The following DLGAP2 variants were observed in gnomAD, a reference collection of about 807,000 sequenced individuals.
DLGAP2 encodes DLG associated protein 2, also known as disks large-associated protein 2.
In DLGAP2, 26 loss-of-function variants were observed where a neutral mutation model predicts 100.3. That is an observed-to-expected ratio of 0.26 (90% confidence interval 0.19 to 0.36). The LOEUF is 0.36. DLGAP2 is among the 10% of genes least tolerant of loss of function. The probability of loss-of-function intolerance (pLI) is 1.00; values close to 1 mark genes in which losing one functional copy is unlikely to be tolerated. For synonymous variants in DLGAP2, 886 were observed against 630.1 expected, an observed-to-expected ratio of 1.41 and a Z score of -6.08; for missense variants, 1,858 against 1,453.2, an observed-to-expected ratio of 1.28 and a Z score of -4.53.
chr8:1,531,364 G>A (rs899833533), intron 4 of DLGAP2, among the ~76,000 whole-genome samples: 1 of 151,854 alleles, frequency 6.6e-6, no homozygotes, highest in African/African-American at 2.4e-5. Context: ...AAGTTTCCAG[G>A]TCAAATTACT....
At chr8:740,849 A>G (rs888947637) in intron 1 of DLGAP2, among the ~76,000 whole-genome samples, 2 of 152,222 alleles carry the variant, frequency 1.3e-5, no homozygotes, top group Non-Finnish European at 2.9e-5. Context: ...TTGATTAAAT[A>G]TTCTATTTAT....
rs1317118116 is a variant in DLGAP2, at chr8:1,240,930, TCTCTC to T, written c.74-17920_74-17916del. On this transcript the variant is annotated intron_variant, in intron 2 of 14. Transcript: ENST00000637795. ...TCTCTCACATGGCACTGTGTCTAGT[TCTCTC>T]ACATGGCGCCGTGTCTAGTTCTCTT... 8.5e-3 allele frequency among the ~76,000 whole-genome samples: 66 copies of T among 7,792 alleles called. 5 individuals carry two copies. Among genetic ancestry groups the T allele is most frequent in the Non-Finnish European group, 0.011 (30 of 2,824 alleles). The allele number at this position is 7,792 out of a possible 152,430, so 5.1% of individuals were successfully genotyped here. A position where few individuals can be genotyped will look rare whatever the true frequency, so the allele number is the denominator to read the frequency against.
chr8:914,517 G>C (rs1037596930), intron 2 of DLGAP2, among the ~76,000 whole-genome samples: 1 of 152,222 alleles, frequency 6.6e-6, no homozygotes, highest in Non-Finnish European at 1.5e-5. Flanking sequence ...TTCTAGCATG[G>C]ATGCTGTCTT....
At chr8:1,524,494 G>A (rs1477689171) in intron 4 of DLGAP2, among the ~76,000 whole-genome samples, 2 of 152,262 alleles carry the variant, frequency 1.3e-5, no homozygotes, top group African/African-American at 4.8e-5. Context: ...ATTCTCCCAT[G>A]TCCTGGAGGC....
intron 2 of DLGAP2, among the ~76,000 whole-genome samples, chr8:929,083 C>G (rs1314049153): frequency 1.3e-5 from 1 of 78,240 alleles, no homozygotes; most frequent in Non-Finnish European, 2.6e-5. Context: ...CATTCCCCCT[C>G]TAAACATCCC....
chr8:1,376,023 ACCT>A (rs1802376750), intron 3 of DLGAP2, among the ~76,000 whole-genome samples: 1 of 38,748 alleles, frequency 2.6e-5, no homozygotes, highest in African/African-American at 1.3e-4. Context: ...CTGAGCCCCC[ACCT>A]CCTACATTTG....
intron 2 of DLGAP2, among the ~76,000 whole-genome samples, chr8:1,169,613 C>A (rs190600942): frequency 6.6e-6 from 1 of 152,128 alleles, no homozygotes; most frequent in Admixed American, 6.6e-5. Flanking sequence ...TTGTAAGCTG[C>A]ATTCCTAGGT....
At position 1,551,604 on chromosome 8, in the gene DLGAP2, C is replaced by G. The variant is rs544678386; in HGVS notation, c.1230+1921C>G. On this transcript the variant is annotated intron_variant, in intron 5 of 14. Coordinates refer to ENST00000637795, the MANE Select transcript of DLGAP2 (RefSeq NM_001346810.2). ...TCTAGGTGCAGGGAATACCAGTCGT[C>G]CACAAAGGTGAAGTGAGACAGAATG... 2.6e-5 allele frequency among the ~76,000 whole-genome samples: 4 copies of G among 152,326 alleles called. No homozygotes were observed. In the South Asian group the frequency reaches 6.2e-4, roughly 24 times the overall value.
At chr8:1,418,524 A>G (rs1796999195) in intron 3 of DLGAP2, among the ~76,000 whole-genome samples, 1 of 152,176 alleles carries the variant, frequency 6.6e-6, no homozygotes, top group Non-Finnish European at 1.5e-5. Context: ...CTACTTTCAC[A>G]GTCAAAATGG....
Position 1,678,271 on chromosome 8 carries a change from G to A in DLGAP2, c.2346G>A (p.Glu782=), listed in dbSNP as rs748767819. 2.9e-5 allele frequency: 46 copies of A among 1,613,760 alleles called. No homozygotes were observed. The highest frequency in any genetic ancestry group is 3.8e-5 in the Non-Finnish European group (45 of 1,179,854). The change falls in exon 12 of 15, where the codon GAG becomes GAA. Residue 782 remains glutamate (E), a synonymous_variant. Coordinates refer to ENST00000637795, the MANE Select transcript of DLGAP2 (RefSeq NM_001346810.2). The stretch of plus-strand genomic sequence containing the variant: ...CGGCCGCCGTCCAAGCTGACCTGGA[G>A]CTGGAGGGGTTCCCAGGCCACATCA... ...SVTAAVQADL[E]LEGFPGHITT...
intron 3 of DLGAP2, among the ~76,000 whole-genome samples, chr8:1,333,078 C>T (rs1169423020): frequency 1.3e-5 from 2 of 152,180 alleles, no homozygotes; most frequent in Non-Finnish European, 2.9e-5. Flanking sequence ...TGGAGGAGGT[C>T]AGGCTCTTCA....
At chr8:1,564,661 G>A (rs143556548) in intron 5 of DLGAP2, among the ~76,000 whole-genome samples, 10 of 152,248 alleles carry the variant, frequency 6.6e-5, no homozygotes, top group Non-Finnish European at 1.2e-4. Context: ...GGTACCATGC[G>A]GATATATAAT....
intron 4 of DLGAP2, among the ~76,000 whole-genome samples, chr8:1,527,200 C>T (rs552383742): frequency 6.6e-6 from 1 of 152,362 alleles, no homozygotes; most frequent in South Asian, 2.1e-4. Context: ...GCACCTCGTC[C>T]TCTTGTCCAG....
At chr8:1,084,977 T>G (rs1803927457) in intron 2 of DLGAP2, among the ~76,000 whole-genome samples, 1 of 152,184 alleles carries the variant, frequency 6.6e-6, no homozygotes, top group Admixed American at 6.5e-5. Flanking sequence ...TAATTTACAT[T>G]CCCACTAACA....
At chr8:1,525,191 CT>C (rs56358216) in intron 4 of DLGAP2, among the ~76,000 whole-genome samples, 6,111 of 103,678 alleles carry the variant, frequency 0.059, 97 homozygotes, top group East Asian at 0.082. Context: ...ACTCTGATGT[CT>C]TTTTTTTTTT....
intron 2 of DLGAP2, among the ~76,000 whole-genome samples, chr8:1,164,796 C>T (rs1047271344): frequency 5.9e-5 from 9 of 152,092 alleles, no homozygotes; most frequent in African/African-American, 1.7e-4. Flanking sequence ...CCGACTGCTG[C>T]GTGTGGAAAG....
At chr8:885,745 A>G (rs1022044247) in intron 1 of DLGAP2, among the ~76,000 whole-genome samples, 8 of 152,112 alleles carry the variant, frequency 5.3e-5, no homozygotes, top group African/African-American at 1.9e-4. Flanking sequence ...TCAATATGAT[A>G]TTGGCTGTGG....
intron 2 of DLGAP2, among the ~76,000 whole-genome samples, chr8:996,852 A>C (rs1320627662): frequency 1.3e-5 from 2 of 152,290 alleles, no homozygotes; most frequent in Admixed American, 6.5e-5. Flanking sequence ...TCTTCTGAGA[A>C]AGCCCCCAAG....
chr8:1,010,986 C>T (rs1801264283), intron 2 of DLGAP2, among the ~76,000 whole-genome samples: 1 of 151,850 alleles, frequency 6.6e-6, no homozygotes, highest in African/African-American at 2.4e-5. Flanking sequence ...ATGGTGAGCC[C>T]CGGGCGAGGG....
Sources: gnomAD v4.1 joint callset for allele counts (sites outside exome capture counted in the v4.1 genomes callset) on GRCh38, gnomAD v4.1.1 for gene constraint, MANE v1.5 for transcripts, NCBI Gene and HGNC (gene_info 2026-07-23, HGNC 2026-07-21) for gene names.